Variants in DMD observed in about 807,000 individuals in gnomAD.
DMD encodes the protein mutant dystrophin.
Under a neutral mutation model 330.1 loss-of-function variants are expected in DMD, and 63 were observed. That is an observed-to-expected ratio of 0.19 (90% CI 0.16 to 0.24). The LOEUF is 0.24. Among genes scored for constraint, DMD ranks in the 10% least tolerant of loss-of-function variants. The probability of loss-of-function intolerance (pLI) is 1.00; values close to 1 mark genes in which losing one functional copy is unlikely to be tolerated. For synonymous variants in DMD, 1,223 were observed against 959.8 expected, an observed-to-expected ratio of 1.27 and a Z score of -5.07; for missense variants, 3,344 against 2,684.1, an observed-to-expected ratio of 1.25 and a Z score of -5.43.
chrX:32,747,646 C>T (rs770280305), intron 7 of DMD, among the ~76,000 whole-genome samples: 1 of 104,693 alleles, frequency 9.6e-6, no homozygotes, highest in South Asian at 3.9e-4. Context: ...CACTACCACA[C>T]CTCGCTAATT....
intron 60 of DMD, among the ~76,000 whole-genome samples, chrX:31,367,998 A>G (rs1864224416): frequency 8.9e-6 from 1 of 111,941 alleles, no homozygotes; most frequent in East Asian, 2.8e-4. Context: ...CTTGCATCAC[A>G]TCTTGTCAGC....
chrX:31,131,780 CA>C (rs1367594174), intron 77 of DMD, among the ~76,000 whole-genome samples: 2 of 111,416 alleles, frequency 1.8e-5, no homozygotes, highest in Non-Finnish European at 3.8e-5. Flanking sequence ...AGAAAGCATC[CA>C]AAAACCACTT....
intron 47 of DMD, among the ~76,000 whole-genome samples, chrX:31,912,305 G>A (rs974855949): frequency 9.0e-6 from 1 of 111,268 alleles, no homozygotes; most frequent in Non-Finnish European, 1.9e-5. Context: ...GACAACGCCC[G>A]ACCGCACGTC....
chrX:31,815,002 C>T (rs978886768), intron 50 of DMD, among the ~76,000 whole-genome samples: 4 of 112,155 alleles, frequency 3.6e-5, no homozygotes, highest in Non-Finnish European at 7.5e-5. Context: ...GATGGATTTC[C>T]CTTTAGCATT....
intron 48 of DMD, among the ~76,000 whole-genome samples, chrX:31,867,927 C>T (rs1297636245): frequency 2.7e-5 from 3 of 111,000 alleles, no homozygotes; most frequent in Non-Finnish European, 5.7e-5. Flanking sequence ...AGTCTTTTGT[C>T]GTTCACAGAT....
intron 7 of DMD, among the ~76,000 whole-genome samples, chrX:32,753,065 A>G (rs188458015): frequency 7.4e-4 from 82 of 110,821 alleles, no homozygotes; most frequent in African/African-American, 2.5e-3. Context: ...ACACCTTTCC[A>G]TCCCCACCTG....
chrX:31,162,140 G>C (rs936159886), intron 74 of DMD, among the ~76,000 whole-genome samples: 11 of 110,328 alleles, frequency 1.0e-4, no homozygotes, highest in African/African-American at 3.6e-4. Context: ...TAAATTTTGA[G>C]CTCCATGAGG....
chrX:31,376,305 G>A (rs2059881602), intron 60 of DMD, among the ~76,000 whole-genome samples: 1 of 112,290 alleles, frequency 8.9e-6, no homozygotes, highest in South Asian at 3.7e-4. Flanking sequence ...GAAAATAAGG[G>A]ATTGAGATCA....
intron 11 of DMD, among the ~76,000 whole-genome samples, chrX:32,627,044 C>G (rs1407300475): frequency 1.9e-5 from 2 of 103,675 alleles, no homozygotes; most frequent in Non-Finnish European, 1.9e-5. Context: ...ACAATTCAAT[C>G]AGAATATCTG....
chrX:32,529,163 G>A (rs2047220085), intron 17 of DMD, among the ~76,000 whole-genome samples: 2 of 105,721 alleles, frequency 1.9e-5, no homozygotes, highest in South Asian at 8.5e-4. Flanking sequence ...CTGACCTTGT[G>A]ATCCGCCCGA....
At chrX:32,476,470 G>C (rs772343912) in intron 21 of DMD, among the ~76,000 whole-genome samples, 1 of 110,955 alleles carries the variant, frequency 9.0e-6, no homozygotes, top group Non-Finnish European at 1.9e-5. Context: ...TTGGGAACTT[G>C]TCCATCTAAT....
chrX:31,619,698 T>C (rs1172696462), intron 55 of DMD, among the ~76,000 whole-genome samples: 2 of 112,146 alleles, frequency 1.8e-5, no homozygotes, highest in Admixed American at 9.4e-5. Context: ...CAAAATCCAA[T>C]AGTTAATTTA....
rs1004682887 is a variant in DMD, at chrX:32,735,725, G to A, written c.650-36432C>T. 8.0e-5 allele frequency among the ~76,000 whole-genome samples: 9 copies of A among 111,989 alleles called. No individual in the cohort carries two copies. The Admixed American group carries it at 8.5e-4, about 11-fold the overall frequency. On this transcript the variant is annotated intron_variant, in intron 7 of 78. Transcript: ENST00000357033. ...ACTGGCTAGCCATATGTAGAAAGCT[G>A]AAACTGGATCCCTTCCTCACACCTT...
At chrX:31,457,300 C>T (rs780785098) in intron 59 of DMD, among the ~76,000 whole-genome samples, 22 of 111,273 alleles carry the variant, frequency 2.0e-4, no homozygotes, top group Non-Finnish European at 2.8e-4. Flanking sequence ...TTAAGGGTCA[C>T]GCTATCTAAA....
At chrX:32,563,463 C>T (rs1413848518) in intron 16 of DMD, among the ~76,000 whole-genome samples, 2 of 110,709 alleles carry the variant, frequency 1.8e-5, no homozygotes, top group Non-Finnish European at 3.8e-5. Flanking sequence ...CTTGTCTATG[C>T]CTCCATTTTA....
At chrX:32,294,774 C>T (rs1348619986) in intron 42 of DMD, among the ~76,000 whole-genome samples, 1 of 111,058 alleles carries the variant, frequency 9.0e-6, no homozygotes, top group Admixed American at 9.6e-5. Flanking sequence ...GTCCTCAAGG[C>T]ACTGCACACA....
intron 41 of DMD, among the ~76,000 whole-genome samples, chrX:32,335,395 T>A (rs996952102): frequency 9.5e-6 from 1 of 105,029 alleles, no homozygotes; most frequent in South Asian, 3.9e-4. Context: ...ATATAATACA[T>A]ATATATAACA....
chrX:32,558,805 C>G (rs1418448897), intron 16 of DMD, among the ~76,000 whole-genome samples: 1 of 111,001 alleles, frequency 9.0e-6, no homozygotes, highest in African/African-American at 3.3e-5. Flanking sequence ...TATATTGTTA[C>G]AGACAATGCA....
chrX:32,733,119 T>G (rs1326938282), intron 7 of DMD, among the ~76,000 whole-genome samples: 46 of 108,199 alleles, frequency 4.3e-4, no homozygotes, highest in African/African-American at 1.4e-3. Flanking sequence ...AATCCTAGTC[T>G]CTGATAAAAC....
Sources: allele counts gnomAD v4.1 joint callset (sites outside exome capture counted in the v4.1 genomes callset), GRCh38; gene constraint gnomAD v4.1.1; transcripts MANE v1.5; gene names NCBI Gene and HGNC (gene_info 2026-07-23, HGNC 2026-07-21).